CRB1: variants seen among roughly 807,000 people sequenced by gnomAD.
CRB1 encodes crumbs cell polarity complex component 1.
Under a neutral mutation model 120.0 loss-of-function variants are expected in CRB1, and 83 were observed. That is an observed-to-expected ratio of 0.69 (90% CI 0.58 to 0.83). The LOEUF (loss-of-function observed/expected upper bound fraction) is 0.83. Ranked by LOEUF, CRB1 falls within the 40% of genes least tolerant of loss-of-function variation. The pLI, the probability that CRB1 is intolerant of heterozygous loss-of-function variation, is 0.00. For synonymous variants in CRB1, 625 were observed against 612.5 expected (o/e 1.02, Z -0.30); for missense variants, 1,699 against 1,687.6 (o/e 1.01, Z -0.12).
rs779897475 is a variant in CRB1, at chr1:197,268,277, C to T, written c.-136C>T. ...AGTCCCTGTATTTTCTGTGAAGGAG[C>T]TGTAAGTAGGGTGGGACAGAGATGG... is the stretch of plus-strand genomic sequence containing the variant. On this transcript the variant is annotated 5_prime_UTR_variant, in exon 1 of 12. Coordinates refer to ENST00000367400, the MANE Select transcript of CRB1 (RefSeq NM_201253.3). 4.0e-6 allele frequency: 3 copies of T among 743,606 alleles called. No individual in the cohort carries two copies. The highest frequency in any genetic ancestry group is 5.0e-6 in the Non-Finnish European group (2 of 400,968). 46.1% of individuals were successfully genotyped at this position (743,606 alleles called of 1,614,324 possible).
At chr1:197,454,777 G>T (rs1666196301) in intron 11 of CRB1, among the ~76,000 whole-genome samples, 1 of 152,006 alleles carries the variant, frequency 6.6e-6, no homozygotes, top group Non-Finnish European at 1.5e-5. Context: ...TCACTGCCTT[G>T]GTACGATACT....
intron 11 of CRB1, among the ~76,000 whole-genome samples, chr1:197,453,265 T>TTG (rs917542232): frequency 2.7e-5 from 4 of 147,320 alleles, no homozygotes; most frequent in African/African-American, 9.9e-5. Context: ...GTGTGTATAC[T>TTG]TGTGTATATA....
intron 2 of CRB1, among the ~76,000 whole-genome samples, chr1:197,333,118 G>A (rs1393027881): frequency 2.6e-5 from 4 of 152,176 alleles, no homozygotes; most frequent in Non-Finnish European, 5.9e-5. Flanking sequence ...GTTCCTCTGA[G>A]CAGCAAAGTA....
Position 197,435,326 on chromosome 1 carries a change from G to A in CRB1, c.3463G>A (p.Glu1155Lys). The A allele has an allele frequency of 6.2e-7, 1 of 1,613,798 alleles. No individual in the cohort carries two copies. Among genetic ancestry groups the A allele is most frequent in the Non-Finnish European group, 8.5e-7 (1 of 1,179,822 alleles). ...CCCCTGTTTGCATGGAGGAAACTGTGAAGACATCTATAGCTCTTATCATTG... is the reference window on the plus strand; with the variant it reads ...CCCCTGTTTGCATGGAGGAAACTGTAAAGACATCTATAGCTCTTATCATTG... ...SNPCLHGGNC[E>K]DIYSSYHCSC... is the part of the protein sequence containing the mutation. The change falls in exon 9 of 12, where the codon GAA becomes AAA. Residue 1155 changes from glutamate to lysine, a missense_variant. By Grantham distance (56) the Glu-to-Lys change is moderately conservative. Coordinates refer to ENST00000367400, the MANE Select transcript of CRB1 (RefSeq NM_201253.3).
At chr1:197,437,848 CTT>C (rs767307143) in intron 9 of CRB1, 1 of 153,722 alleles carries the variant, frequency 6.5e-6, no homozygotes, top group Non-Finnish European at 1.4e-5. Context: ...CTATTAAACT[CTT>C]TAAATATCAG....
At chr1:197,457,101 T>C (rs145333409) in intron 11 of CRB1, among the ~76,000 whole-genome samples, 16 of 152,272 alleles carry the variant, frequency 1.1e-4, no homozygotes, top group Admixed American at 4.6e-4. Context: ...CCTAGTCAAA[T>C]ACATTTGTTC....
intron 1 of CRB1, among the ~76,000 whole-genome samples, chr1:197,316,096 T>G (rs1657821075): frequency 6.6e-6 from 1 of 152,116 alleles, no homozygotes; most frequent in African/African-American, 2.4e-5. Context: ...GGGACAGGGG[T>G]TTTAAACATC....
Position 197,405,572 on chromosome 1 carries a change from T to C in CRB1, c.1172-15428T>C, listed in dbSNP as rs1447167405. Among the ~76,000 whole-genome samples, 4 of 145,866 alleles carry C rather than the reference T, an allele frequency of 2.7e-5. No individual in the cohort carries two copies. In the East Asian group the frequency reaches 8.4e-4, roughly 31 times the overall value. ...ACGTGAGGAACCCCTCTGCCTGGCT[T>C]GCCCAGTCTGGAAAGTGAGGAGCGT... is the stretch of plus-strand genomic sequence containing the variant. On this transcript the variant is annotated intron_variant, in intron 5 of 11. Coordinates refer to ENST00000367400, the MANE Select transcript of CRB1 (RefSeq NM_201253.3).
rs1214587308 is a variant in CRB1, at chr1:197,478,016, A to G, written c.*137A>G. The G allele has an allele frequency of 5.5e-6, 5 of 916,486 alleles. No individual in the cohort carries two copies. The East Asian group carries it at 1.0e-4, about 19-fold the overall frequency. 56.8% of individuals were successfully genotyped at this position (916,486 alleles called of 1,614,324 possible). A position where few individuals can be genotyped will look rare whatever the true frequency, so the allele number is the denominator to read the frequency against. ...AACTACAGGAATGATTCCTTTGACC[A>G]CCTTAAAAACTTTCACAGTGGTTCC... On this transcript the variant is annotated 3_prime_UTR_variant, in exon 12 of 12. Coordinates refer to ENST00000367400, the MANE Select transcript of CRB1 (RefSeq NM_201253.3).
chr1:197,222,002 A>C, the CRB1 span, among the ~76,000 whole-genome samples: 1 of 152,222 alleles, frequency 6.6e-6, no homozygotes, highest in East Asian at 1.9e-4. Context: ...TTCTATATCA[A>C]ATATATAGTG....
At chr1:197,225,544 C>T in the CRB1 span, among the ~76,000 whole-genome samples, 11 of 152,268 alleles carry the variant, frequency 7.2e-5, no homozygotes, top group Admixed American at 2.6e-4. Context: ...ATATTAATGG[C>T]CACATAAATG....
intron 2 of CRB1, among the ~76,000 whole-genome samples, chr1:197,337,260 G>A (rs1193993397): frequency 1.3e-5 from 2 of 152,160 alleles, no homozygotes; most frequent in Non-Finnish European, 2.9e-5. Flanking sequence ...ACATGTGACT[G>A]CTATTTCTCC....
intron 1 of CRB1, among the ~76,000 whole-genome samples, chr1:197,287,472 C>T (rs1366943146): frequency 2.0e-5 from 3 of 151,750 alleles, no homozygotes; most frequent in African/African-American, 7.3e-5. Context: ...AGAAAAAGAT[C>T]TAAAATAGGT....
At chr1:197,220,525 A>G in the CRB1 span, among the ~76,000 whole-genome samples, 1 of 152,230 alleles carries the variant, frequency 6.6e-6, no homozygotes, top group African/African-American at 2.4e-5. Flanking sequence ...ATGGGCTACA[A>G]GAGCTTTAGG....
At chr1:197,288,104 T>C (rs1655940114) in intron 1 of CRB1, among the ~76,000 whole-genome samples, 1 of 151,714 alleles carries the variant, frequency 6.6e-6, no homozygotes, top group East Asian at 2.0e-4. Context: ...TGAGACGGAG[T>C]ACCTGAGGGG....
the CRB1 span, among the ~76,000 whole-genome samples, chr1:197,233,340 A>G: frequency 6.6e-6 from 1 of 152,222 alleles, no homozygotes; most frequent in African/African-American, 2.4e-5. Context: ...CAAATAAGGT[A>G]CCTTTTCTAG....
chr1:197,348,989 G>T (rs1054930226), intron 4 of CRB1, among the ~76,000 whole-genome samples: 1 of 152,086 alleles, frequency 6.6e-6, no homozygotes, highest in African/African-American at 2.4e-5. Context: ...CAATAATGTT[G>T]TAGGCTTTCA....
At chr1:197,294,727 T>TA (rs1473734658) in intron 1 of CRB1, among the ~76,000 whole-genome samples, 1 of 152,092 alleles carries the variant, frequency 6.6e-6, no homozygotes, top group Admixed American at 6.6e-5. Context: ...TATGCAGCCA[T>TA]AAAAAAGGTT....
At chr1:197,296,879 TTCTGCCATGA>T (rs1219421970) in intron 1 of CRB1, among the ~76,000 whole-genome samples, 2 of 152,074 alleles carry the variant, frequency 1.3e-5, no homozygotes, top group African/African-American at 4.8e-5. Flanking sequence ...CCCTTTTGCC[TTCTGCCATGA>T]TTGTGAGGCC....
Sources: gnomAD v4.1 joint callset for allele counts (sites outside exome capture counted in the v4.1 genomes callset) on GRCh38, gnomAD v4.1.1 for gene constraint, MANE v1.5 for transcripts, NCBI Gene and HGNC (gene_info 2026-07-23, HGNC 2026-07-21) for gene names.